Variants in CTNND2 observed in about 807,000 individuals in gnomAD.
The protein encoded by CTNND2 is catenin delta 2, also known as catenin delta-2.
A neutral mutation model predicts 144.4 loss-of-function variants in CTNND2; 22 were observed. The observed-to-expected ratio is 0.15, with a 90% CI of 0.11 to 0.22. The LOEUF is 0.22. Among genes scored for constraint, CTNND2 ranks in the 10% least tolerant of loss-of-function variants. CTNND2 has a pLI of 1.00. For missense variants in CTNND2, 1,353 were observed against 1,618.8 expected, an observed-to-expected ratio of 0.84 and a Z score of 2.82; for synonymous variants, 751 against 695.6, an observed-to-expected ratio of 1.08 and a Z score of -1.25.
At chr5:11,681,990 C>CA (rs1168366190) in intron 2 of CTNND2, among the ~76,000 whole-genome samples, 1 of 152,180 alleles carries the variant, frequency 6.6e-6, no homozygotes, top group Non-Finnish European at 1.5e-5. Context: ...TGACACATGA[C>CA]ACATGACACA....
chr5:11,773,042 T>C (rs1201819984), intron 1 of CTNND2, among the ~76,000 whole-genome samples: 5 of 152,216 alleles, frequency 3.3e-5, no homozygotes, highest in Non-Finnish European at 5.9e-5. Flanking sequence ...GGAATGTCGA[T>C]ATCACAAAAG....
chr5:11,256,949 C>G (rs1561105222), intron 9 of CTNND2, among the ~76,000 whole-genome samples: 1 of 152,242 alleles, frequency 6.6e-6, no homozygotes, highest in Middle Eastern at 3.4e-3. Context: ...CCCTTTTCCC[C>G]CAAGCTGTGA....
chr5:11,805,566 T>C (rs902487752), intron 1 of CTNND2, among the ~76,000 whole-genome samples: 6 of 150,508 alleles, frequency 4.0e-5, no homozygotes, highest in Non-Finnish European at 8.8e-5. Flanking sequence ...GAATGGAATA[T>C]GTCAAAGCCA....
chr5:10,977,566 C>T (rs1420433926), intron 21 of CTNND2, among the ~76,000 whole-genome samples: 1 of 152,110 alleles, frequency 6.6e-6, no homozygotes, highest in Non-Finnish European at 1.5e-5. Flanking sequence ...CTTCCTCCTG[C>T]CTCAGCATCC....
chr5:11,817,870 A>G (rs188379491), intron 1 of CTNND2, among the ~76,000 whole-genome samples: 1 of 152,272 alleles, frequency 6.6e-6, no homozygotes, highest in Admixed American at 6.5e-5. Context: ...CTTGGGAAGA[A>G]GCACATAATC....
intron 11 of CTNND2, among the ~76,000 whole-genome samples, chr5:11,192,969 T>C (rs755911621): frequency 2.0e-4 from 31 of 152,200 alleles, no homozygotes; most frequent in Non-Finnish European, 4.0e-4. Flanking sequence ...AATGACTTGC[T>C]TGCTACATTT....
At chr5:11,551,892 C>T (rs544613627) in intron 3 of CTNND2, among the ~76,000 whole-genome samples, 45 of 152,220 alleles carry the variant, frequency 3.0e-4, no homozygotes, top group African/African-American at 5.8e-4. Flanking sequence ...TGAGCCACCA[C>T]GCCTGGCGTT....
intron 3 of CTNND2, among the ~76,000 whole-genome samples, chr5:11,563,600 T>C (rs1776842822): frequency 6.6e-6 from 1 of 152,226 alleles, no homozygotes; most frequent in East Asian, 1.9e-4. Context: ...CACCATGATG[T>C]ACGTATTTGC....
At chr5:11,431,673 C>G (rs1337093425) in intron 3 of CTNND2, among the ~76,000 whole-genome samples, 1 of 152,186 alleles carries the variant, frequency 6.6e-6, no homozygotes, top group African/African-American at 2.4e-5. Context: ...ACTGAGGTGA[C>G]AGACGTGTGA....
chr5:10,992,262 G>A (rs1037741747), intron 19 of CTNND2, among the ~76,000 whole-genome samples: 1 of 152,160 alleles, frequency 6.6e-6, no homozygotes. Flanking sequence ...CGGAAACCCC[G>A]GATTTGCAGA....
intron 3 of CTNND2, among the ~76,000 whole-genome samples, chr5:11,451,566 G>C (rs1765319212): frequency 6.6e-6 from 1 of 152,156 alleles, no homozygotes; most frequent in Admixed American, 6.5e-5. Flanking sequence ...CCACTGGTAA[G>C]TATAGTGTCA....
At chr5:11,185,198 T>C (rs538264807) in intron 11 of CTNND2, among the ~76,000 whole-genome samples, 141 of 152,358 alleles carry the variant, frequency 9.3e-4, no homozygotes, top group Non-Finnish European at 1.4e-3. Flanking sequence ...AAAGTCTTCC[T>C]TGATCTCTTC....
At chr5:11,060,718 C>A (rs1746866571) in intron 16 of CTNND2, among the ~76,000 whole-genome samples, 2 of 152,162 alleles carry the variant, frequency 1.3e-5, no homozygotes, top group Admixed American at 1.3e-4. Flanking sequence ...CTACAGTCAA[C>A]CTAAAATAAT....
chr5:11,586,671 CA>C (rs1778885103), intron 2 of CTNND2, among the ~76,000 whole-genome samples: 1 of 152,108 alleles, frequency 6.6e-6, no homozygotes. Context: ...ATATATTTAA[CA>C]ATGAAAATTC....
intron 12 of CTNND2, among the ~76,000 whole-genome samples, chr5:11,134,923 T>C (rs1755981486): frequency 6.6e-6 from 1 of 152,218 alleles, no homozygotes; most frequent in Admixed American, 6.5e-5. Flanking sequence ...CAAATAGCAA[T>C]GACACTTTGA....
intron 1 of CTNND2, among the ~76,000 whole-genome samples, chr5:11,784,517 A>C (rs979854285): frequency 6.6e-6 from 1 of 152,202 alleles, no homozygotes; most frequent in African/African-American, 2.4e-5. Flanking sequence ...ATACAATGGG[A>C]TATCCTTCCA....
chr5:11,512,501 A>G (rs1344606147), intron 3 of CTNND2, among the ~76,000 whole-genome samples: 1 of 152,184 alleles, frequency 6.6e-6, no homozygotes, highest in Non-Finnish European at 1.5e-5. Flanking sequence ...TTCAACTGTA[A>G]AGGGCAACCT....
At chr5:11,415,814 G>C (rs258830) in intron 3 of CTNND2, among the ~76,000 whole-genome samples, 151,618 of 152,114 alleles carry the variant, frequency 1, 75,561 homozygotes, top group Middle Eastern at 1. Flanking sequence ...TCACAAAAGC[G>C]TATGAGAGGA....
chr5:11,070,392 T>C (rs1359765344), intron 16 of CTNND2, among the ~76,000 whole-genome samples: 1 of 152,144 alleles, frequency 6.6e-6, no homozygotes, highest in Admixed American at 6.5e-5. Flanking sequence ...AGTTTAAAGA[T>C]AGATTACTAG....
Sources: gnomAD v4.1 joint callset for allele counts (sites outside exome capture counted in the v4.1 genomes callset) on GRCh38, gnomAD v4.1.1 for gene constraint, MANE v1.5 for transcripts, NCBI Gene and HGNC (gene_info 2026-07-23, HGNC 2026-07-21) for gene names.